Variants in ZFHX3 observed in about 807,000 individuals in gnomAD.
ZFHX3 encodes zinc finger homeobox protein 3.
A neutral mutation model predicts 279.1 loss-of-function variants in ZFHX3; 42 were observed. The ratio of observed to expected loss-of-function variants is 0.15; its 90% CI spans 0.12 to 0.19. ZFHX3 has a LOEUF of 0.19. Ranked by LOEUF, ZFHX3 falls within the 10% of genes least tolerant of loss-of-function variation. The pLI, the probability that ZFHX3 is intolerant of heterozygous loss-of-function variation, is 1.00. For missense variants in ZFHX3, 4,981 were observed against 4,754.0 expected, an observed-to-expected ratio of 1.05 and a Z score of -1.40; for synonymous variants, 2,293 against 1,957.8, an observed-to-expected ratio of 1.17 and a Z score of -4.52.
chr16:73,101,890 T>C (rs937785426), intron 7 of ZFHX3, among the ~76,000 whole-genome samples: 7 of 149,352 alleles, frequency 4.7e-5, no homozygotes, highest in Middle Eastern at 3.5e-3. Flanking sequence ...ACCTCTTCAG[T>C]AATATTTCTT....
At chr16:73,408,834 G>C (rs2017413259) in intron 3 of ZFHX3, among the ~76,000 whole-genome samples, 1 of 152,048 alleles carries the variant, frequency 6.6e-6, no homozygotes, top group Admixed American at 6.5e-5. Flanking sequence ...CCATGGGAGA[G>C]GACCACAAGC....
intron 4 of ZFHX3, among the ~76,000 whole-genome samples, chr16:72,841,858 G>C (rs1169047759): frequency 6.6e-6 from 1 of 152,194 alleles, no homozygotes; most frequent in Admixed American, 6.5e-5. Flanking sequence ...ACAAACACTT[G>C]AACAAAAGTA....
At chr16:73,006,894 A>G (rs1567629310) in intron 1 of ZFHX3, among the ~76,000 whole-genome samples, 1 of 152,234 alleles carries the variant, frequency 6.6e-6, no homozygotes, top group Non-Finnish European at 1.5e-5. Flanking sequence ...TAAATGCTAT[A>G]TAAATATTTG....
chr16:72,906,373 C>T (rs1257839669), intron 3 of ZFHX3, among the ~76,000 whole-genome samples: 1 of 151,890 alleles, frequency 6.6e-6, no homozygotes, highest in Admixed American at 6.6e-5. Context: ...TCGATGATCG[C>T]ACTGGGGGGG....
intron 2 of ZFHX3, among the ~76,000 whole-genome samples, chr16:73,597,504 C>T (rs746870608): frequency 6.6e-6 from 1 of 152,036 alleles, no homozygotes; most frequent in Non-Finnish European, 1.5e-5. Context: ...ACTTTGAAGA[C>T]GTAATTAGTT....
intron 3 of ZFHX3, chr16:73,419,982 C>T (rs184605445): frequency 1.3e-4 from 19 of 151,918 alleles, no homozygotes; most frequent in African/African-American, 4.1e-4. Context: ...TCACAGATCA[C>T]TGAAGTCTCG....
chr16:73,851,434 A>G (rs1409445890), intron 1 of ZFHX3, among the ~76,000 whole-genome samples: 1 of 152,232 alleles, frequency 6.6e-6, no homozygotes. Context: ...CTTGAAGTCA[A>G]ATTTTACTCT....
At chr16:73,309,477 T>C (rs2015272440) in intron 4 of ZFHX3, among the ~76,000 whole-genome samples, 1 of 152,164 alleles carries the variant, frequency 6.6e-6, no homozygotes, top group Non-Finnish European at 1.5e-5. Flanking sequence ...TGGAGTTTAA[T>C]GTGCACTCCT....
intron 3 of ZFHX3, among the ~76,000 whole-genome samples, chr16:73,436,833 C>T (rs962454318): frequency 6.6e-6 from 1 of 152,150 alleles, no homozygotes; most frequent in South Asian, 2.1e-4. Flanking sequence ...GGTAGATGGA[C>T]ACCAAAGTGA....
intron 5 of ZFHX3, among the ~76,000 whole-genome samples, chr16:73,239,768 C>A (rs2013063264): frequency 6.6e-6 from 1 of 152,192 alleles, no homozygotes; most frequent in Non-Finnish European, 1.5e-5. Context: ...CCAGACCTCC[C>A]TGGCAGTGCT....
rs555355098 is a variant in ZFHX3 at position 73,702,814 on chromosome 16, T to C, written c.-1607-22574A>G. ...TTTTAAATTACAGATGTTCTTGAGA[T>C]CATGTATCTAAGAGCTAATTCCACT... On this transcript the variant is annotated intron_variant, in intron 1 of 17. Transcript: ENST00000641206. Among the ~76,000 whole-genome samples, 9 of 152,292 alleles carry C rather than the reference T, an allele frequency of 5.9e-5. No individual in the cohort carries two copies. The South Asian group carries it at 1.9e-3, about 32-fold the overall frequency.
At chr16:73,488,572 A>T (rs1294933722) in intron 2 of ZFHX3, among the ~76,000 whole-genome samples, 3 of 152,064 alleles carry the variant, frequency 2.0e-5, no homozygotes, top group African/African-American at 4.8e-5. Flanking sequence ...GCAAATAAAC[A>T]CTGGGGATGG....
intron 2 of ZFHX3, among the ~76,000 whole-genome samples, chr16:73,532,322 C>G (rs1456255980): frequency 6.6e-6 from 1 of 152,092 alleles, no homozygotes; most frequent in Non-Finnish European, 1.5e-5. Flanking sequence ...TTTCGTTTGG[C>G]TCTCATTCTC....
chr16:73,504,267 T>C (rs559364712), intron 2 of ZFHX3: 1 of 152,292 alleles, frequency 6.6e-6, no homozygotes, highest in East Asian at 1.9e-4. Context: ...GGCTGGAGGA[T>C]GATACACCAA....
At chr16:72,920,897 C>T (rs1474063596) in intron 3 of ZFHX3, among the ~76,000 whole-genome samples, 2 of 151,694 alleles carry the variant, frequency 1.3e-5, no homozygotes, top group Non-Finnish European at 2.9e-5. Flanking sequence ...AAGTGAGACC[C>T]CCCATATCTA....
At chr16:73,705,491 C>T (rs1364987546) in intron 1 of ZFHX3, among the ~76,000 whole-genome samples, 1 of 152,222 alleles carries the variant, frequency 6.6e-6, no homozygotes, top group Non-Finnish European at 1.5e-5. Context: ...TAAGCCCCAA[C>T]AGAATTTGCT....
At chr16:72,962,108 A>C (rs1228887568) in intron 1 of ZFHX3, among the ~76,000 whole-genome samples, 1 of 152,230 alleles carries the variant, frequency 6.6e-6, no homozygotes, top group South Asian at 2.1e-4. Flanking sequence ...TGTAAAATCA[A>C]TGTCATAAAT....
intron 5 of ZFHX3, among the ~76,000 whole-genome samples, chr16:73,180,346 A>G (rs1228330441): frequency 1.3e-5 from 2 of 152,062 alleles, no homozygotes; most frequent in Non-Finnish European, 2.9e-5. Context: ...TTATTTTATT[A>G]TTATTTTTTT....
intron 4 of ZFHX3, among the ~76,000 whole-genome samples, chr16:73,296,072 G>A (rs2014902418): frequency 3.7e-5 from 1 of 27,344 alleles, no homozygotes; most frequent in Non-Finnish European, 6.8e-5. Flanking sequence ...ACAATCCCGT[G>A]TGTGTGTGTG....
Sources: gnomAD v4.1 joint callset for allele counts (sites outside exome capture counted in the v4.1 genomes callset) on GRCh38, gnomAD v4.1.1 for gene constraint, MANE v1.5 for transcripts, NCBI Gene and HGNC (gene_info 2026-07-23, HGNC 2026-07-21) for gene names.